The following ARHGAP42 variants were observed in gnomAD, a reference collection of about 807,000 sequenced individuals.
ARHGAP42 encodes Rho GTPase activating protein 42, also known as rho GTPase-activating protein 42.
A neutral mutation model predicts 125.0 loss-of-function variants in ARHGAP42; 63 were observed. The observed-to-expected ratio is 0.50, with a 90% CI of 0.41 to 0.62. The LOEUF is 0.62. ARHGAP42 is among the 20% of genes least tolerant of loss of function. The pLI is 0.00. For synonymous variants in ARHGAP42, 339 were observed against 351.0 expected (o/e 0.97, Z 0.38); for missense variants, 766 against 1,024.2 (o/e 0.75, Z 3.44).
At chr11:100,964,585 G>A (rs1203119714) in intron 16 of ARHGAP42, among the ~76,000 whole-genome samples, 2 of 152,124 alleles carry the variant, frequency 1.3e-5, no homozygotes, top group Non-Finnish European at 2.9e-5. Flanking sequence ...GAAAGAATTT[G>A]GTATAGTGGG....
At chr11:100,984,712 C>T (rs1858630039) in intron 22 of ARHGAP42, among the ~76,000 whole-genome samples, 1 of 151,804 alleles carries the variant, frequency 6.6e-6, no homozygotes, top group African/African-American at 2.4e-5. Flanking sequence ...AAATGGCTTT[C>T]AGAACTGTGC....
At chr11:100,858,096 T>TGC (rs903331291) in intron 3 of ARHGAP42, among the ~76,000 whole-genome samples, 2 of 143,706 alleles carry the variant, frequency 1.4e-5, no homozygotes, top group Non-Finnish European at 3.1e-5. Flanking sequence ...GGTGTGTGTG[T>TGC]GTGTGTGTGT....
chr11:100,941,494 G>C (rs570832616), intron 8 of ARHGAP42, among the ~76,000 whole-genome samples: 2 of 152,106 alleles, frequency 1.3e-5, no homozygotes, highest in African/African-American at 4.8e-5. Flanking sequence ...CCTCTATGGA[G>C]TACAAGTATA....
rs546988918 is a variant in ARHGAP42 at position 100,979,227 on chromosome 11, TA to T, written c.2456+179del. 3.3e-4 allele frequency among the ~76,000 whole-genome samples: 50 copies of T among 152,346 alleles called. 2 individuals carry two copies. In the South Asian group the frequency reaches 0.01, roughly 31 times the overall value. On this transcript the variant is annotated intron_variant, in intron 22 of 23. Coordinates refer to ENST00000298815, the MANE Select transcript of ARHGAP42 (RefSeq NM_152432.4). The stretch of plus-strand genomic sequence containing the variant: ...AACAGCATATATCATCTCACATTGT[TA>T]TAGTGATGTCTCATTTGCTGAAATC...
At chr11:100,754,521 A>G (rs1284879490) in intron 1 of ARHGAP42, among the ~76,000 whole-genome samples, 1 of 152,214 alleles carries the variant, frequency 6.6e-6, no homozygotes, top group South Asian at 2.1e-4. Context: ...ACTTCTGGGA[A>G]AACTTAATTT....
In ARHGAP42 at chr11:100,976,924, A is replaced by G. The variant is rs1226444908; in HGVS notation, c.2346A>G (p.Leu782=). The change falls in exon 21 of 24, where the codon TTA becomes TTG. Residue 782 remains leucine (L), a synonymous_variant. Transcript: ENST00000298815. ...TGCCTCCGAAAATGTGCAGGAGATTAAGACTAGACACTGCCTCAAGCAATG... is the reference window on the plus strand; with the variant it reads ...TGCCTCCGAAAATGTGCAGGAGATTGAGACTAGACACTGCCTCAAGCAATG... ...PDLPPKMCRR[L]RLDTASSNGY... is the part of the protein sequence containing the mutation. 2.2e-5 allele frequency: 34 copies of G among 1,551,366 alleles called. No individual in the cohort carries two copies. The East Asian group carries it at 7.1e-4, about 32-fold the overall frequency.
intron 3 of ARHGAP42, among the ~76,000 whole-genome samples, chr11:100,852,742 G>A (rs764058789): frequency 6.6e-6 from 1 of 152,056 alleles, no homozygotes; most frequent in African/African-American, 2.4e-5. Flanking sequence ...GACATAAATG[G>A]GGCAACTGTG....
chr11:100,897,246 T>C (rs1866388609), intron 4 of ARHGAP42, among the ~76,000 whole-genome samples: 1 of 152,216 alleles, frequency 6.6e-6, no homozygotes, highest in Non-Finnish European at 1.5e-5. Context: ...ACTATAACGT[T>C]GTAGTATAGT....
chr11:100,926,146 G>T (rs1234338626), intron 6 of ARHGAP42, among the ~76,000 whole-genome samples: 1 of 152,180 alleles, frequency 6.6e-6, no homozygotes, highest in East Asian at 1.9e-4. Flanking sequence ...GTAAACTTGT[G>T]TGTGTGTTGA....
intron 1 of ARHGAP42, among the ~76,000 whole-genome samples, chr11:100,700,878 A>T (rs1287872131): frequency 6.6e-6 from 1 of 152,254 alleles, no homozygotes; most frequent in Non-Finnish European, 1.5e-5. Context: ...AATGATATTT[A>T]GAATGGTGAA....
intron 14 of ARHGAP42, among the ~76,000 whole-genome samples, 171 bp from the exon 15 acceptor site, chr11:100,961,513 T>C (rs1857953942): frequency 6.6e-6 from 1 of 152,142 alleles, no homozygotes; most frequent in Non-Finnish European, 1.5e-5. Context: ...TGAGGTTTAG[T>C]GTCAGCTTTT....
At chr11:100,947,184 C>T (rs1868045640) in intron 10 of ARHGAP42, among the ~76,000 whole-genome samples, 1 of 151,718 alleles carries the variant, frequency 6.6e-6, no homozygotes, top group African/African-American at 2.4e-5. Flanking sequence ...CTTTTGAGTA[C>T]CTTCTTTTTA....
Position 100,795,183 on chromosome 11 carries a change from T to C in ARHGAP42, c.312+17T>C, listed in dbSNP as rs1354454921. The C allele has an allele frequency of 6.6e-7, 1 of 1,506,724 alleles. No homozygotes were observed. Among genetic ancestry groups the C allele is most frequent in the Admixed American group, 2.2e-5 (1 of 45,994 alleles). The allele number at this position is 1,506,724 out of a possible 1,614,324, so 93.3% of individuals were successfully genotyped here. ...CGAAGACTGGTAAGTCTGTTCTGTA[T>C]TTCTTAAGAATATTGCTTTGTTTCA... On this transcript the variant is annotated intron_variant, in intron 3 of 23. Transcript: ENST00000298815.
At chr11:100,821,534 G>A (rs1182494560) in intron 3 of ARHGAP42, among the ~76,000 whole-genome samples, 1 of 151,152 alleles carries the variant, frequency 6.6e-6, no homozygotes, top group Non-Finnish European at 1.5e-5. Flanking sequence ...GTAAAATGTG[G>A]CTGTGAAACA....
chr11:100,858,807 C>T (rs573451326), intron 3 of ARHGAP42, among the ~76,000 whole-genome samples: 104 of 151,958 alleles, frequency 6.8e-4, no homozygotes, highest in African/African-American at 9.7e-4. Context: ...TATTTTAATG[C>T]TTTCTAAAGG....
In ARHGAP42 at chr11:100,775,581, C is replaced by A. The variant is rs560736773; in HGVS notation, c.250+5143C>A. Among the ~76,000 whole-genome samples the A allele has an allele frequency of 3.3e-5, 5 of 152,122 alleles. No homozygotes were observed. In the East Asian group the frequency reaches 7.7e-4, roughly 23 times the overall value. ...TTTGTGCAGAAACTAAAATCATATT[C>A]TTTTGAAAACACTGTTTATGGTGGG... is the stretch of plus-strand genomic sequence containing the variant. On this transcript the variant is annotated intron_variant, in intron 2 of 23. Transcript: ENST00000298815.
intron 3 of ARHGAP42, among the ~76,000 whole-genome samples, chr11:100,833,492 G>A (rs1212721189): frequency 6.6e-6 from 1 of 152,120 alleles, no homozygotes; most frequent in Admixed American, 6.6e-5. Flanking sequence ...CAGCTGGAGT[G>A]GCTTGAAGGC....
Position 100,773,383 on chromosome 11 carries a change from C to A in ARHGAP42, c.250+2945C>A, listed in dbSNP as rs568203813. On this transcript the variant is annotated intron_variant, in intron 2 of 23. Coordinates refer to ENST00000298815, the MANE Select transcript of ARHGAP42 (RefSeq NM_152432.4). ...GGAAAGAGGATTATAGCAAATACTC[C>A]TGGGTTTCCACAGATGATATAATTT... 6.0e-4 allele frequency among the ~76,000 whole-genome samples: 92 copies of A among 152,084 alleles called. 2 individuals are homozygous for A. Among genetic ancestry groups the A allele is most frequent in the Admixed American group, 5.6e-3 (85 of 15,280 alleles).
intron 6 of ARHGAP42, among the ~76,000 whole-genome samples, chr11:100,930,385 G>A (rs1293238669): frequency 6.6e-6 from 1 of 152,162 alleles, no homozygotes; most frequent in Non-Finnish European, 1.5e-5. Flanking sequence ...CTAGAGGCAG[G>A]TATTTCATAA....
Sources: allele counts gnomAD v4.1 joint callset (sites outside exome capture counted in the v4.1 genomes callset), GRCh38; gene constraint gnomAD v4.1.1; transcripts MANE v1.5; gene names NCBI Gene and HGNC (gene_info 2026-07-23, HGNC 2026-07-21).